The following RTN1 variants were observed in gnomAD, a reference collection of about 807,000 sequenced individuals.
The protein encoded by RTN1 is reticulon 1, also known as reticulon-1.
In RTN1, 25 loss-of-function variants were observed where a neutral mutation model predicts 65.5. That is an observed-to-expected ratio of 0.38 (90% CI 0.28 to 0.53). RTN1 has a LOEUF of 0.53. Among genes scored for constraint, RTN1 ranks in the 20% least tolerant of loss-of-function variants. The pLI is 0.79. For missense variants in RTN1, 983 were observed against 1,025.4 expected, an observed-to-expected ratio of 0.96 and a Z score of 0.57; for synonymous variants, 471 against 447.6, an observed-to-expected ratio of 1.05 and a Z score of -0.66.
intron 3 of RTN1, among the ~76,000 whole-genome samples, chr14:59,709,023 C>T (rs1884359566): frequency 6.6e-6 from 1 of 152,078 alleles, no homozygotes; most frequent in Non-Finnish European, 1.5e-5. Flanking sequence ...GGGGGAAAAA[C>T]ATTTGGAGGA....
rs368036235 is a variant in RTN1, at chr14:59,794,039, G to T, written c.242-47558C>A. ...TCCTCTCCCACTGAGTACCGGCCAT[G>T]AATCTTGAGTTAGACTGACCCTTCC... On this transcript the variant is annotated intron_variant, in intron 1 of 8. Transcript: ENST00000267484. The surrounding 1 kb of genome is among the most constrained non-coding windows in gnomAD (Gnocchi z 5.1). 6.6e-6 allele frequency among the ~76,000 whole-genome samples: 1 copy of T among 152,138 alleles called. No individual in the cohort carries two copies. The highest frequency in any genetic ancestry group is 1.9e-4 in the East Asian group (1 of 5,188).
intron 3 of RTN1, among the ~76,000 whole-genome samples, chr14:59,617,538 T>C (rs1566662372): frequency 6.6e-6 from 1 of 152,220 alleles, no homozygotes; most frequent in Admixed American, 6.5e-5. Flanking sequence ...TCTTGATTTG[T>C]TTTTAATAAA....
intron 3 of RTN1, among the ~76,000 whole-genome samples, chr14:59,660,258 C>T (rs942869599): frequency 2.0e-5 from 3 of 152,148 alleles, no homozygotes; most frequent in African/African-American, 7.2e-5. Flanking sequence ...TAGAGACCTA[C>T]AAAGAGACTT....
At chr14:59,866,681 C>T (rs1166076291) in intron 1 of RTN1, among the ~76,000 whole-genome samples, 1 of 152,102 alleles carries the variant, frequency 6.6e-6, no homozygotes, top group African/African-American at 2.4e-5. Flanking sequence ...TTTTATTCAT[C>T]TTATATGTTT....
intron 1 of RTN1, among the ~76,000 whole-genome samples, chr14:59,855,872 T>C (rs1401760111): frequency 1.3e-5 from 2 of 152,194 alleles, no homozygotes; most frequent in African/African-American, 2.4e-5. Flanking sequence ...TCCTTGGCTT[T>C]TGTGGTGGGC....
chr14:59,746,421 T>C lies in RTN1; in HGVS notation c.302A>G (p.Glu101Gly), dbSNP rs145845359. 404 of 1,612,786 alleles carry C rather than the reference T, an allele frequency of 2.5e-4. No individual in the cohort carries two copies. The African/African-American group carries it at 4.7e-3, about 19-fold the overall frequency. ...HTFSTTSKDG[E>G]GSCYTSLISD... ...AATGAGAGATGTGTAACACGATCCT[T>C]CCCCATCTTTTGATGTTGTTGAGAA... The change falls in exon 2 of 9, where the codon GAA (glutamate) becomes GGA (glycine). Residue 101 changes from glutamate (E) to glycine (G), a missense_variant. Transcript: ENST00000267484.
At chr14:59,735,902 A>G (rs751025800) in intron 2 of RTN1, among the ~76,000 whole-genome samples, 1 of 152,160 alleles carries the variant, frequency 6.6e-6, no homozygotes, top group Non-Finnish European at 1.5e-5. Context: ...TCAAAACCAC[A>G]CAACTACAGG....
chr14:59,644,321 A>G (rs1339222083), intron 3 of RTN1, among the ~76,000 whole-genome samples: 1 of 152,202 alleles, frequency 6.6e-6, no homozygotes, highest in Admixed American at 6.5e-5. Context: ...ACATGGAGCC[A>G]GGGGAGCCTC....
chr14:59,596,580 A>G lies in RTN1; in HGVS notation c.*165T>C. On this transcript the variant is annotated 3_prime_UTR_variant, in exon 9 of 9. Coordinates refer to ENST00000267484, the MANE Select transcript of RTN1 (RefSeq NM_021136.3). ...TGACACAAGTGACTCAAATATCCTA[A>G]GAGTACAAGGAACAGCCTAAAAACA... is the stretch of plus-strand genomic sequence containing the variant. 1.7e-6 allele frequency: 1 copy of G among 597,548 alleles called. No individual in the cohort carries two copies. Among genetic ancestry groups the G allele is most frequent in the Non-Finnish European group, 3.1e-6 (1 of 327,704 alleles). The allele number at this position is 597,548 out of a possible 1,614,324, so 37.0% of individuals were successfully genotyped here. A position where few individuals can be genotyped will look rare whatever the true frequency, so the allele number is the denominator to read the frequency against.
chr14:59,865,671 T>C (rs1887785373), intron 1 of RTN1, among the ~76,000 whole-genome samples: 1 of 152,212 alleles, frequency 6.6e-6, no homozygotes, highest in African/African-American at 2.4e-5. Context: ...GTCTTTCATT[T>C]TTGGACCATG....
chr14:59,610,045 G>A, intron 3 of RTN1: 1 of 738,366 alleles, frequency 1.4e-6, no homozygotes, highest in Non-Finnish European at 2.5e-6. Context: ...AGAAGAGCCT[G>A]AAAGGAGTTT....
intron 3 of RTN1, among the ~76,000 whole-genome samples, chr14:59,659,789 C>T (rs1185209500): frequency 6.6e-6 from 1 of 152,158 alleles, no homozygotes; most frequent in Non-Finnish European, 1.5e-5. Flanking sequence ...CAAAAACATA[C>T]CAAATTGTAA....
chr14:59,821,051 G>A (rs1426846825), intron 1 of RTN1, among the ~76,000 whole-genome samples: 1 of 152,138 alleles, frequency 6.6e-6, no homozygotes, highest in Non-Finnish European at 1.5e-5. Flanking sequence ...TGTGAAAAAC[G>A]ACATTGGTAG....
intron 3 of RTN1, among the ~76,000 whole-genome samples, chr14:59,716,194 T>G (rs1184845888): frequency 6.6e-6 from 1 of 152,234 alleles, no homozygotes; most frequent in Non-Finnish European, 1.5e-5. Flanking sequence ...AGAGAACATT[T>G]AGCTTTGCTT....
chr14:59,641,562 G>C (rs1014593356), intron 3 of RTN1, among the ~76,000 whole-genome samples: 1 of 151,572 alleles, frequency 6.6e-6, no homozygotes, highest in African/African-American at 2.4e-5. Flanking sequence ...GTAGAAACAG[G>C]GTTTTACCAT....
chr14:59,604,058 G>T, intron 5 of RTN1, 137 bp from the exon 6 acceptor site: 1 of 550,490 alleles, frequency 1.8e-6, no homozygotes, highest in Non-Finnish European at 3.3e-6. Flanking sequence ...GGCGTTGAAA[G>T]CTCATCACAG....
intron 3 of RTN1, among the ~76,000 whole-genome samples, chr14:59,680,571 G>GCA (rs1883725229): frequency 6.6e-6 from 1 of 152,180 alleles, no homozygotes; most frequent in African/African-American, 2.4e-5. Flanking sequence ...TATTTAGTGT[G>GCA]TCCAGGCATT....
intron 2 of RTN1, among the ~76,000 whole-genome samples, chr14:59,736,581 G>A (rs932302888): frequency 6.6e-5 from 10 of 152,160 alleles, no homozygotes; most frequent in East Asian, 1.9e-4. Flanking sequence ...ATTTACAGCT[G>A]AATTCTACCA....
At chr14:59,596,938 C>G in intron 8 of RTN1, 151 bp from the exon 9 acceptor site, 2 of 527,158 alleles carry the variant, frequency 3.8e-6, no homozygotes, top group South Asian at 5.9e-5. Context: ...AAATACTCTT[C>G]TATAAAGCAA....
Sources: allele counts gnomAD v4.1 joint callset (sites outside exome capture counted in the v4.1 genomes callset), GRCh38; gene constraint gnomAD v4.1.1; non-coding constraint Gnocchi (gnomAD v3.1); transcripts MANE v1.5; gene names NCBI Gene and HGNC (gene_info 2026-07-23, HGNC 2026-07-21).